Variants in KCMF1 observed in about 807,000 individuals in gnomAD.
KCMF1 encodes potassium channel modulatory factor 1, also known as E3 ubiquitin-protein ligase KCMF1.
In KCMF1, 3 loss-of-function variants were observed where a neutral mutation model predicts 41.1. The observed-to-expected ratio is 0.07, with a 90% CI of 0.03 to 0.19. KCMF1 has a LOEUF of 0.19. Ranked by LOEUF, KCMF1 falls within the 10% of genes least tolerant of loss-of-function variation. The pLI, the probability that KCMF1 is intolerant of heterozygous loss-of-function variation, is 1.00. For synonymous variants in KCMF1, 142 were observed against 164.5 expected (o/e 0.86, Z 1.04); for missense variants, 286 against 488.9 (o/e 0.58, Z 3.91).
chr2:85,042,631 A>T (rs974108352), intron 3 of KCMF1, among the ~76,000 whole-genome samples: 2 of 152,012 alleles, frequency 1.3e-5, no homozygotes, highest in South Asian at 4.1e-4. Context: ...CTTGCTTCAG[A>T]CCTTTCTTCT....
intron 3 of KCMF1, among the ~76,000 whole-genome samples, chr2:85,035,761 A>G (rs1675389491): frequency 6.6e-6 from 1 of 152,206 alleles, no homozygotes; most frequent in Non-Finnish European, 1.5e-5. Context: ...TTTACTTGAC[A>G]TCTGAGTCAG....
Position 85,053,165 on chromosome 2 carries a change from T to C in KCMF1, c.902T>C (p.Met301Thr), listed in dbSNP as rs752041246. The change falls in exon 7 of 7, where the codon ATG becomes ACG. Residue 301 changes from methionine (M) to threonine (T), a missense_variant. This residue lies in a region of KCMF1 where 191 missense variants were observed against 279.3 expected (regional missense o/e 0.68). Transcript: ENST00000409785. ...FLLTRLNDPKMSETERQSMES... is the reference protein window; with the variant it reads ...FLLTRLNDPKTSETERQSMES... ...TTACACAGGTTGAATGATCCTAAAATGTCTGAAACGGAGCGCCAGTCCATG... is the reference window on the plus strand; with the variant it reads ...TTACACAGGTTGAATGATCCTAAAACGTCTGAAACGGAGCGCCAGTCCATG... 4.3e-6 allele frequency: 7 copies of C among 1,613,570 alleles called. No homozygotes were observed. The South Asian group carries it at 7.7e-5, about 18-fold the overall frequency.
intron 3 of KCMF1, among the ~76,000 whole-genome samples, chr2:85,039,623 T>TGGAAA (rs1675477388): frequency 6.6e-6 from 1 of 152,058 alleles, no homozygotes; most frequent in African/African-American, 2.4e-5. Context: ...TGGAACCATG[T>TGGAAA]GGAAAAATGG....
intron 1 of KCMF1, among the ~76,000 whole-genome samples, chr2:85,010,386 T>C (rs1189656905): frequency 6.6e-6 from 1 of 152,210 alleles, no homozygotes; most frequent in Non-Finnish European, 1.5e-5. Context: ...TGAGAATTGC[T>C]TGAACCAGGG....
intron 3 of KCMF1, among the ~76,000 whole-genome samples, chr2:85,036,725 G>A (rs1675410523): frequency 6.6e-6 from 1 of 151,652 alleles, no homozygotes; most frequent in African/African-American, 2.4e-5. Context: ...TCAGGAGGTT[G>A]AGGCTGCAGT....
intron 1 of KCMF1, among the ~76,000 whole-genome samples, chr2:84,984,530 C>T (rs1320741638): frequency 1.3e-5 from 2 of 151,562 alleles, no homozygotes; most frequent in Non-Finnish European, 2.9e-5. Context: ...TTTAAAGAAG[C>T]TTAGCAGAGG....
chr2:84,981,078 T>C (rs1196877253), intron 1 of KCMF1, among the ~76,000 whole-genome samples: 1 of 151,284 alleles, frequency 6.6e-6, no homozygotes, highest in Non-Finnish European at 1.5e-5. Flanking sequence ...AAAACTGAGA[T>C]CAGAAGAGTG....
chr2:85,011,968 G>A (rs1674663734), intron 1 of KCMF1, among the ~76,000 whole-genome samples: 1 of 152,178 alleles, frequency 6.6e-6, no homozygotes, highest in African/African-American at 2.4e-5. Context: ...GGGGCAACAT[G>A]GCCACTGGTT....
chr2:85,049,544 A>G lies in KCMF1; in HGVS notation c.780A>G (p.Thr260=), dbSNP rs1265084931. 3.1e-6 allele frequency: 5 copies of G among 1,613,906 alleles called. No individual in the cohort carries two copies. The African/African-American group carries it at 5.3e-5, about 17-fold the overall frequency. Residue 260 remains threonine (T), a synonymous_variant, in exon 6 of 7, where the codon ACA becomes ACG. Transcript: ENST00000409785. ...GCAACGCAACCCGGCGTACTAACAC[A>G]AGCAGTGTCACCACTACAATCACAC... is the stretch of plus-strand genomic sequence containing the variant. The part of the protein sequence containing the change: ...TARNATRRTN[T]SSVTTTITQS...
Position 85,049,543 on chromosome 2 carries a change from C to A in KCMF1, c.779C>A (p.Thr260Lys), listed in dbSNP as rs1481056947. Reference sequence around the variant, plus strand: ...CGCAACGCAACCCGGCGTACTAACACAAGCAGTGTCACCACTACAATCACA... The same window carrying A: ...CGCAACGCAACCCGGCGTACTAACAAAAGCAGTGTCACCACTACAATCACA... ...TARNATRRTN[T>K]SSVTTTITQS... The change falls in exon 6 of 7, where the codon ACA becomes AAA. Residue 260 changes from threonine (T) to lysine (K), a missense_variant. Thr to Lys is a moderately conservative substitution (Grantham distance 78). This residue lies in a region of KCMF1 where 191 missense variants were observed against 279.3 expected (regional missense o/e 0.68). Coordinates refer to ENST00000409785, the MANE Select transcript of KCMF1 (RefSeq NM_020122.5). The A allele has an allele frequency of 6.2e-7, 1 of 1,614,028 alleles. No homozygotes were observed. Among genetic ancestry groups the A allele is most frequent in the East Asian group, 2.2e-5 (1 of 44,878 alleles).
Position 85,053,642 on chromosome 2 carries a change from A to G in KCMF1, c.*233A>G, listed in dbSNP as rs1309885701. The G allele has an allele frequency of 2.2e-6, 1 of 458,934 alleles. No individual in the cohort carries two copies. The highest frequency in any genetic ancestry group is 3.8e-6 in the Non-Finnish European group (1 of 259,862). 28.4% of individuals were successfully genotyped at this position (458,934 alleles called of 1,614,324 possible). ...TGCAGGGGTGATCTCTGCTTCCTGT[A>G]CCTTGACATGCAAAAGGCTCTCCTA... is the stretch of plus-strand genomic sequence containing the variant. On this transcript the variant is annotated 3_prime_UTR_variant, in exon 7 of 7. Coordinates refer to ENST00000409785, the MANE Select transcript of KCMF1 (RefSeq NM_020122.5).
At chr2:85,032,353 TTTTTATTTTATTTTATTTTTA>T (rs1558582377) in intron 2 of KCMF1, among the ~76,000 whole-genome samples, 1 of 147,558 alleles carries the variant, frequency 6.8e-6, no homozygotes, top group Non-Finnish European at 1.5e-5. Flanking sequence ...TTTATTTTTA[TTTTTATTTTATTTTATTTTTA>T]TTTTATTTTA....
Position 84,971,322 on chromosome 2 carries a change from A to C in KCMF1, c.-130A>C, listed in dbSNP as rs977676144. ...CCGCCGCGGGAGCGCTCCCCTGCCCACCCCGCCCCCGCGGCCGAGCCCGGG... is the reference window on the plus strand; with the variant it reads ...CCGCCGCGGGAGCGCTCCCCTGCCCCCCCCGCCCCCGCGGCCGAGCCCGGG... On this transcript the variant is annotated 5_prime_UTR_variant, in exon 1 of 7. Coordinates refer to ENST00000409785, the MANE Select transcript of KCMF1 (RefSeq NM_020122.5). 3 of 276,728 alleles carry C rather than the reference A, an allele frequency of 1.1e-5. No individual in the cohort carries two copies. The highest frequency in any genetic ancestry group is 1.6e-5 in the Non-Finnish European group (3 of 185,410). 17.1% of individuals were successfully genotyped at this position (276,728 alleles called of 1,614,324 possible).
intron 1 of KCMF1, among the ~76,000 whole-genome samples, chr2:85,006,254 T>C (rs909314573): frequency 6.6e-6 from 1 of 151,744 alleles, no homozygotes; most frequent in African/African-American, 2.4e-5. Context: ...ACTTTCCTTA[T>C]ATTGCTTAGA....
At chr2:84,990,204 C>G (rs1334963245) in intron 1 of KCMF1, among the ~76,000 whole-genome samples, 1 of 152,126 alleles carries the variant, frequency 6.6e-6, no homozygotes, top group Non-Finnish European at 1.5e-5. Flanking sequence ...GTGTTAAATT[C>G]TGACTGAATA....
At chr2:84,973,922 G>A (rs1465704659) in intron 1 of KCMF1, among the ~76,000 whole-genome samples, 1 of 145,424 alleles carries the variant, frequency 6.9e-6, no homozygotes, top group African/African-American at 2.5e-5. Flanking sequence ...CCACCTCCCA[G>A]ATTCAAGCAG....
In KCMF1 at chr2:84,976,256, G is replaced by T. The variant is rs149704115; in HGVS notation, c.16+4789G>T. Among the ~76,000 whole-genome samples the T allele has an allele frequency of 1.0e-4, 15 of 150,076 alleles. No individual in the cohort carries two copies. The East Asian group carries it at 2.5e-3, about 25-fold the overall frequency. ...GAGTCTCGCTCTGTCGCCCAGGCTG[G>T]AATGCAGTGGCGTGATCTTGTCTCA... On this transcript the variant is annotated intron_variant, in intron 1 of 6. Transcript: ENST00000409785.
intron 1 of KCMF1, among the ~76,000 whole-genome samples, chr2:85,020,417 T>C (rs189615723): frequency 4.0e-4 from 61 of 152,304 alleles, no homozygotes; most frequent in Non-Finnish European, 8.1e-4. Flanking sequence ...TCGTCATGCA[T>C]GGAAGCTATT....
intron 1 of KCMF1, among the ~76,000 whole-genome samples, chr2:85,024,350 A>G (rs1001314824): frequency 2.6e-5 from 4 of 152,058 alleles, no homozygotes; most frequent in African/African-American, 9.7e-5. Context: ...CCAGGCGCCT[A>G]TGATCCCAAC....
Sources: gnomAD v4.1 joint callset for allele counts (sites outside exome capture counted in the v4.1 genomes callset) on GRCh38, gnomAD v4.1.1 for gene constraint, gnomAD v4.1.1 regional missense constraint, MANE v1.5 for transcripts, NCBI Gene and HGNC (gene_info 2026-07-23, HGNC 2026-07-21) for gene names.